The following TBC1D2 variants were observed in gnomAD, a reference collection of about 807,000 sequenced individuals.
The protein encoded by TBC1D2 is TBC1 domain family member 2A.
A neutral mutation model predicts 91.1 loss-of-function variants in TBC1D2; 58 were observed. The ratio of observed to expected loss-of-function variants is 0.64; its 90% CI spans 0.52 to 0.79. The LOEUF (loss-of-function observed/expected upper bound fraction) is 0.79, where lower values mean the gene tolerates loss of function less well. TBC1D2 is among the 30% of genes least tolerant of loss of function. The pLI, the probability that TBC1D2 is intolerant of heterozygous loss-of-function variation, is 0.00. For missense variants in TBC1D2, 1,080 were observed against 1,208.3 expected, an observed-to-expected ratio of 0.89 and a Z score of 1.57; for synonymous variants, 482 against 511.5, an observed-to-expected ratio of 0.94 and a Z score of 0.78.
chr9:98,238,048 A>C (rs183288001), intron 3 of TBC1D2, among the ~76,000 whole-genome samples: 18,200 of 136,882 alleles, frequency 0.13, 3,388 homozygotes, highest in African/African-American at 0.45. Flanking sequence ...GGATTACAGG[A>C]ATGTGCTACC....
intron 6 of TBC1D2, among the ~76,000 whole-genome samples, chr9:98,216,279 C>A (rs563982126): frequency 6.6e-6 from 1 of 152,322 alleles, no homozygotes; most frequent in East Asian, 1.9e-4. Flanking sequence ...ACTGAGTTTG[C>A]ATGACAGCTC....
At chr9:98,205,068 A>C (rs1439064239) in intron 9 of TBC1D2, among the ~76,000 whole-genome samples, 1 of 152,208 alleles carries the variant, frequency 6.6e-6, no homozygotes, top group Non-Finnish European at 1.5e-5. Context: ...TCCTTATTGC[A>C]GTGGTGGAAA....
chr9:98,224,641 C>T (rs978829170), intron 5 of TBC1D2, among the ~76,000 whole-genome samples: 3 of 152,114 alleles, frequency 2.0e-5, no homozygotes, highest in Non-Finnish European at 2.9e-5. Context: ...GATTTTGATA[C>T]GTGGTCATAA....
Position 98,199,264 on chromosome 9 carries a change from A to C in TBC1D2, c.*117T>G, listed in dbSNP as rs1828415384. On this transcript the variant is annotated 3_prime_UTR_variant, in exon 13 of 13. Transcript: ENST00000465784. ...CTGAGGGCCAGAGAGGGGAAGGGAC[A>C]TGTCCAAGGTCACATGGTGATGGGA... The C allele has an allele frequency of 1.8e-6, 2 of 1,111,588 alleles. No homozygotes were observed. The highest frequency in any genetic ancestry group is 2.6e-6 in the Non-Finnish European group (2 of 758,996). The allele number at this position is 1,111,588 out of a possible 1,614,324, so 68.9% of individuals were successfully genotyped here.
chr9:98,233,556 G>C lies in TBC1D2; in HGVS notation c.648-7C>G. 6.2e-7 allele frequency: 1 copy of C among 1,613,844 alleles called. No individual in the cohort carries two copies. Among genetic ancestry groups the C allele is most frequent in the Non-Finnish European group, 8.5e-7 (1 of 1,179,850 alleles). On this transcript the variant is annotated splice_region_variant and splice_polypyrimidine_tract_variant and intron_variant, in intron 3 of 12. Coordinates refer to ENST00000465784, the MANE Select transcript of TBC1D2 (RefSeq NM_001267571.2). The stretch of plus-strand genomic sequence containing the variant: ...GATGTTGTGCATTGTGTTCCTGAAA[G>C]GAGACAAGAACAGAGGAGCATGAGG...
chr9:98,210,931 G>T (rs1409415671), intron 7 of TBC1D2, 88 bp from the exon 8 acceptor site: 4 of 1,199,184 alleles, frequency 3.3e-6, no homozygotes, highest in Non-Finnish European at 4.6e-6. Context: ...AGGCAGCACA[G>T]CCCTTCCAGC....
intron 8 of TBC1D2, 111 bp downstream of exon 8, chr9:98,210,545 G>A (rs962294164): frequency 1.5e-4 from 154 of 1,032,554 alleles, no homozygotes; most frequent in Non-Finnish European, 1.8e-4. Flanking sequence ...AAGATCAGAG[G>A]AGGTAGTGCT....
intron 1 of TBC1D2, among the ~76,000 whole-genome samples, chr9:98,254,088 C>T (rs933713380): frequency 6.6e-5 from 10 of 152,160 alleles, no homozygotes; most frequent in African/African-American, 2.4e-4. Context: ...CCTGGTCACC[C>T]GCCAAGTCCA....
chr9:98,241,142 T>C (rs1829627216), intron 3 of TBC1D2, among the ~76,000 whole-genome samples: 1 of 152,092 alleles, frequency 6.6e-6, no homozygotes, highest in Non-Finnish European at 1.5e-5. Context: ...CCAAGACCAA[T>C]GAAGTAAATA....
intron 5 of TBC1D2, among the ~76,000 whole-genome samples, chr9:98,221,653 G>A (rs900647632): frequency 6.6e-6 from 1 of 152,130 alleles, no homozygotes; most frequent in African/African-American, 2.4e-5. Flanking sequence ...CTGCCCCCCA[G>A]CTCAGAGTTG....
At chr9:98,233,616 G>C in intron 3 of TBC1D2, 67 bp from the exon 4 acceptor site, 1 of 1,577,890 alleles carries the variant, frequency 6.3e-7, no homozygotes, top group Non-Finnish European at 8.6e-7. Flanking sequence ...TGTCCTTCCC[G>C]CCACCACTGC....
At chr9:98,245,326 T>G (rs1829741865) in intron 2 of TBC1D2, among the ~76,000 whole-genome samples, 1 of 152,144 alleles carries the variant, frequency 6.6e-6, no homozygotes. Flanking sequence ...CCCGCCACTT[T>G]GGGAGGCTGA....
intron 3 of TBC1D2, chr9:98,234,878 C>A: frequency 4.8e-6 from 1 of 209,770 alleles, no homozygotes. Flanking sequence ...AGCTTCGACA[C>A]GAGGAAAGTA....
At chr9:98,201,726 C>CCCAGCCTTCCTACCCTCCCTCCCTG (rs1828510536) in intron 10 of TBC1D2, 62 bp from the exon 11 acceptor site, 11 of 1,507,646 alleles carry the variant, frequency 7.3e-6, no homozygotes, top group Non-Finnish European at 9.9e-6. Flanking sequence ...TCCCTCCCTG[C>CCCAGCCTTCCTACCCTCCCTCCCTG]CCAGCCTTCC....
chr9:98,200,276 G>A lies in TBC1D2; in HGVS notation c.2556C>T (p.Phe852=), dbSNP rs771757531. The change falls in exon 12 of 13, where the codon TTC becomes TTT. Residue 852 remains phenylalanine (F), a synonymous_variant. Coordinates refer to ENST00000465784, the MANE Select transcript of TBC1D2 (RefSeq NM_001267571.2). ...ACCGGCTGTTGGAGATGGTCTTGGT[G>A]AAGAAGCGCAGGTACTGGTAGATTT... The part of the protein sequence containing the change: ...GLEIYQYLRF[F]TKTISNSRKL... The A allele has an allele frequency of 3.7e-6, 6 of 1,613,932 alleles. No homozygotes were observed. The Admixed American group carries it at 1.0e-4, about 27-fold the overall frequency.
chr9:98,243,260 C>A lies in TBC1D2; in HGVS notation c.647+734G>T, dbSNP rs542704239. Reference sequence around the variant, plus strand: ...ATAGACATTTGTGAAACCATCACTACATCACATTCAATATGATCTCATTTA... The same window carrying A: ...ATAGACATTTGTGAAACCATCACTAAATCACATTCAATATGATCTCATTTA... On this transcript the variant is annotated intron_variant, in intron 3 of 12. Transcript: ENST00000465784. 6.1e-3 allele frequency among the ~76,000 whole-genome samples: 933 copies of A among 152,040 alleles called. 11 individuals are homozygous for A. The highest frequency in any genetic ancestry group is 0.021 in the African/African-American group (869 of 41,456).
chr9:98,243,619 C>T (rs1317953012), intron 3 of TBC1D2, among the ~76,000 whole-genome samples: 3 of 150,994 alleles, frequency 2.0e-5, no homozygotes, highest in African/African-American at 4.9e-5. Flanking sequence ...TCACTGCAAC[C>T]TCTGCCTCCT....
rs1311405167 is a variant in TBC1D2 at position 98,201,519 on chromosome 9, A to T, written c.2417T>A (p.Leu806His). Residue 806 changes from leucine (L) to histidine (H), a missense_variant, in exon 11 of 13, where the codon CTC becomes CAC. Coordinates refer to ENST00000465784, the MANE Select transcript of TBC1D2 (RefSeq NM_001267571.2). ...VFADSLISNI[L>H]LRVWDAFLYE... ...CAGGAAGGCATCCCAGACCCGAAGG[A>T]GGATGTTGCTAATGAGACTGTCCGC... 2 of 1,613,906 alleles carry T rather than the reference A, an allele frequency of 1.2e-6. No homozygotes were observed. Among genetic ancestry groups the T allele is most frequent in the African/African-American group, 1.3e-5 (1 of 74,870 alleles).
chr9:98,222,055 C>T (rs117164133), intron 5 of TBC1D2, among the ~76,000 whole-genome samples: 277 of 152,278 alleles, frequency 1.8e-3, no homozygotes, highest in Non-Finnish European at 3.0e-3. Context: ...AGCAGCTGAA[C>T]CCATACCCTG....
Sources: gnomAD v4.1 joint callset for allele counts (sites outside exome capture counted in the v4.1 genomes callset) on GRCh38, gnomAD v4.1.1 for gene constraint, MANE v1.5 for transcripts, NCBI Gene and HGNC (gene_info 2026-07-23, HGNC 2026-07-21) for gene names.